Variants in MYO5B observed in about 807,000 individuals in gnomAD.
MYO5B encodes unconventional myosin-Vb.
MYO5B carries 143 observed loss-of-function variants against 229.3 expected under a neutral mutation model. The ratio of observed to expected loss-of-function variants is 0.62; its 90% CI spans 0.54 to 0.72. The LOEUF is 0.72. Among genes scored for constraint, MYO5B ranks in the 30% least tolerant of loss-of-function variants. The pLI is 0.00. For synonymous variants in MYO5B, 918 were observed against 885.2 expected (o/e 1.04, Z -0.66); for missense variants, 2,321 against 2,331.0 (o/e 1.00, Z 0.09).
chr18:50,036,448 T>A (rs2026449567), intron 4 of MYO5B, among the ~76,000 whole-genome samples: 1 of 152,182 alleles, frequency 6.6e-6, no homozygotes, highest in African/African-American at 2.4e-5. Context: ...AGAGTCCTGG[T>A]TTCTTCAAAA....
chr18:50,049,119 C>T (rs2030323737), intron 2 of MYO5B, among the ~76,000 whole-genome samples: 1 of 151,714 alleles, frequency 6.6e-6, no homozygotes, highest in Non-Finnish European at 1.5e-5. Flanking sequence ...ATGGCCACCA[C>T]TGTTTTAGAA....
intron 10 of MYO5B, among the ~76,000 whole-genome samples, chr18:49,973,118 A>G (rs539735562): frequency 1.7e-3 from 251 of 152,060 alleles, no homozygotes; most frequent in African/African-American, 5.6e-3. Context: ...CAAACCCTCA[A>G]ATAGACCCTT....
intron 11 of MYO5B, 106 bp from the exon 12 acceptor site, chr18:49,962,512 G>T: frequency 2.0e-6 from 3 of 1,472,384 alleles, no homozygotes; most frequent in South Asian, 1.2e-5. Flanking sequence ...GCAGAGAACT[G>T]CCAGATAAGG....
chr18:50,154,457 C>G (rs2032649396), intron 1 of MYO5B, among the ~76,000 whole-genome samples: 1 of 152,070 alleles, frequency 6.6e-6, no homozygotes, highest in Non-Finnish European at 1.5e-5. Context: ...TTTGTCTAAG[C>G]CTACCTGCAT....
intron 14 of MYO5B, among the ~76,000 whole-genome samples, chr18:49,942,873 C>T (rs2025332352): frequency 6.6e-6 from 1 of 151,882 alleles, no homozygotes; most frequent in African/African-American, 2.4e-5. Context: ...GGGTATATAC[C>T]CAAAGGATTA....
At chr18:50,141,351 T>C (rs2032414369) in intron 1 of MYO5B, among the ~76,000 whole-genome samples, 1 of 152,248 alleles carries the variant, frequency 6.6e-6, no homozygotes. Context: ...AAAATAGGTA[T>C]AAATATGACT....
intron 10 of MYO5B, among the ~76,000 whole-genome samples, chr18:49,965,219 C>G (rs2025609208): frequency 6.6e-6 from 1 of 152,120 alleles, no homozygotes; most frequent in Non-Finnish European, 1.5e-5. Flanking sequence ...CTCAAATGAC[C>G]AACTGGATGT....
intron 1 of MYO5B, among the ~76,000 whole-genome samples, chr18:50,093,207 GACACACAC>G (rs772200737): frequency 1.7e-5 from 2 of 119,548 alleles, no homozygotes; most frequent in African/African-American, 5.5e-5. Flanking sequence ...CACACACACA[GACACACAC>G]ACACACACAC....
intron 26 of MYO5B, among the ~76,000 whole-genome samples, 174 bp from the exon 27 acceptor site, chr18:49,872,406 T>C (rs2024466194): frequency 1.3e-5 from 2 of 151,546 alleles, no homozygotes; most frequent in African/African-American, 4.9e-5. Flanking sequence ...CACTCCAGCC[T>C]ACCATGAAGT....
At chr18:50,096,734 A>T (rs2031558884) in intron 1 of MYO5B, among the ~76,000 whole-genome samples, 1 of 152,156 alleles carries the variant, frequency 6.6e-6, no homozygotes, top group African/African-American at 2.4e-5. Flanking sequence ...TTAAAAAATC[A>T]TCATCACCGT....
chr18:49,979,298 T>C (rs1478043477), intron 9 of MYO5B, among the ~76,000 whole-genome samples: 1 of 152,132 alleles, frequency 6.6e-6, no homozygotes, highest in Admixed American at 6.5e-5. Flanking sequence ...CTCCTCCTTT[T>C]CCACTGGGCC....
chr18:49,879,205 G>A (rs2024560110), intron 23 of MYO5B, 115 bp from the exon 24 acceptor site: 2 of 1,262,732 alleles, frequency 1.6e-6, no homozygotes, highest in South Asian at 1.2e-5. Context: ...GCTCATCAGA[G>A]GCTCTTGATG....
At chr18:49,901,597 A>G (rs1041759152) in intron 21 of MYO5B, among the ~76,000 whole-genome samples, 1 of 152,260 alleles carries the variant, frequency 6.6e-6, no homozygotes. Flanking sequence ...CAGCCCTGTC[A>G]GCCCCATTTT....
At chr18:50,152,793 A>G (rs2144306665) in intron 1 of MYO5B, among the ~76,000 whole-genome samples, 1 of 152,190 alleles carries the variant, frequency 6.6e-6, no homozygotes, top group Admixed American at 6.5e-5. Flanking sequence ...AAAACCTACA[A>G]AGAGTAAACA....
chr18:50,077,562 A>G (rs1320261349), intron 1 of MYO5B, among the ~76,000 whole-genome samples: 1 of 151,292 alleles, frequency 6.6e-6, no homozygotes, highest in Non-Finnish European at 1.5e-5. Flanking sequence ...TCAATGGTCC[A>G]GCCCATTTCA....
Position 49,864,174 on chromosome 18 carries a change from G to A in MYO5B, c.3810C>T (p.Ser1270=), listed in dbSNP as rs762644280. 4 of 1,611,662 alleles carry A rather than the reference G, an allele frequency of 2.5e-6. No individual in the cohort carries two copies. The South Asian group carries it at 3.3e-5, about 13-fold the overall frequency. The change falls in exon 28 of 40, where the codon AGC becomes AGT. Residue 1270 remains serine, a synonymous_variant. Coordinates refer to ENST00000285039, the MANE Select transcript of MYO5B (RefSeq NM_001080467.3). ...TGCCGGCGAGTCGCCGCTGGTCGGC[G>A]CTCACGATCTGGGTCCTGAGGATGA... ...EVLILRTQIV[S]ADQRRLAGRN... is the part of the protein sequence containing the mutation.
chr18:50,120,375 A>C (rs1220525708), intron 1 of MYO5B, among the ~76,000 whole-genome samples: 1 of 152,226 alleles, frequency 6.6e-6, no homozygotes, highest in Non-Finnish European at 1.5e-5. Context: ...ACTAAAGGTG[A>C]AACATGGAAG....
chr18:49,892,103 A>G (rs2024722117), intron 22 of MYO5B, among the ~76,000 whole-genome samples: 1 of 152,106 alleles, frequency 6.6e-6, no homozygotes, highest in African/African-American at 2.4e-5. Flanking sequence ...CCTCTCTTTC[A>G]CCAAACAGAG....
At chr18:49,977,683 A>G (rs946852994) in intron 9 of MYO5B, among the ~76,000 whole-genome samples, 2 of 152,142 alleles carry the variant, frequency 1.3e-5, no homozygotes, top group Non-Finnish European at 2.9e-5. Flanking sequence ...CACCTTTGCC[A>G]TTGTCATTCT....
Sources: gnomAD v4.1 joint callset for allele counts (sites outside exome capture counted in the v4.1 genomes callset) on GRCh38, gnomAD v4.1.1 for gene constraint, MANE v1.5 for transcripts, NCBI Gene and HGNC (gene_info 2026-07-23, HGNC 2026-07-21) for gene names.